The following MSI2 variants were observed in gnomAD, a reference collection of about 807,000 sequenced individuals.
MSI2 encodes RNA-binding protein Musashi homolog 2.
A neutral mutation model predicts 45.6 loss-of-function variants in MSI2; 17 were observed. That is an observed-to-expected ratio of 0.37 (90% CI 0.26 to 0.56). MSI2 has a LOEUF of 0.56. Among genes scored for constraint, MSI2 ranks in the 20% least tolerant of loss-of-function variants. The probability of loss-of-function intolerance (pLI) is 0.77; values close to 1 mark genes in which losing one functional copy is unlikely to be tolerated. For synonymous variants in MSI2, 156 were observed against 158.2 expected (o/e 0.99, Z 0.11); for missense variants, 293 against 444.2 (o/e 0.66, Z 3.06).
chr17:57,462,325 CTG>C (rs1189863497), intron 6 of MSI2, among the ~76,000 whole-genome samples: 1 of 152,236 alleles, frequency 6.6e-6, no homozygotes, highest in Non-Finnish European at 1.5e-5. Context: ...GTTCACCTTA[CTG>C]TGTGGGTCCC....
chr17:57,680,905 TG>T lies in MSI2; in HGVS notation c.*1393del. On this transcript the variant is annotated 3_prime_UTR_variant, in exon 14 of 14. Coordinates refer to ENST00000284073, the MANE Select transcript of MSI2 (RefSeq NM_138962.4). Reference sequence around the variant, plus strand: ...CTGCCCCCCACCCTGCTCCCACATCTGGGGGCCCATGGGCCAGGAGTGGATA... The same window carrying T: ...CTGCCCCCCACCCTGCTCCCACATCTGGGGCCCATGGGCCAGGAGTGGATA... 5.0e-6 allele frequency: 1 copy of T among 199,036 alleles called. No individual in the cohort carries two copies. Among genetic ancestry groups the T allele is most frequent in the Non-Finnish European group, 1.0e-5 (1 of 96,224 alleles). The allele number at this position is 199,036 out of a possible 1,614,324, so 12.3% of individuals were successfully genotyped here.
At chr17:57,426,744 T>C (rs562394989) in intron 6 of MSI2, among the ~76,000 whole-genome samples, 1 of 152,304 alleles carries the variant, frequency 6.6e-6, no homozygotes, top group African/African-American at 2.4e-5. Context: ...GCCTTTTTCC[T>C]CTCCTGTTGT....
At chr17:57,604,590 T>C (rs1464942582) in intron 8 of MSI2, among the ~76,000 whole-genome samples, 1 of 152,196 alleles carries the variant, frequency 6.6e-6, no homozygotes, top group Non-Finnish European at 1.5e-5. Context: ...ACTCTTCACC[T>C]GACTCATTCT....
intron 6 of MSI2, among the ~76,000 whole-genome samples, chr17:57,404,629 C>T (rs1379216863): frequency 6.6e-6 from 1 of 152,096 alleles, no homozygotes; most frequent in Non-Finnish European, 1.5e-5. Context: ...GGTCTCCTTG[C>T]CGTCATTCCT....
chr17:57,637,881 C>T (rs747913933), intron 10 of MSI2, among the ~76,000 whole-genome samples: 1 of 152,210 alleles, frequency 6.6e-6, no homozygotes, highest in African/African-American at 2.4e-5. Context: ...ACTGAGGCCC[C>T]GTGCCCACCA....
At position 57,599,282 on chromosome 17, in the gene MSI2, A is replaced by G. The variant is rs1202171592; in HGVS notation, c.537+2332A>G. On this transcript the variant is annotated intron_variant, in intron 8 of 13. Coordinates refer to ENST00000284073, the MANE Select transcript of MSI2 (RefSeq NM_138962.4). Reference sequence around the variant, plus strand: ...ATGGGGAAAGGCTTTATCCTGGGAAACTGAGGCTCAGGGGATAGGTCCCAG... The same window carrying G: ...ATGGGGAAAGGCTTTATCCTGGGAAGCTGAGGCTCAGGGGATAGGTCCCAG... Among the ~76,000 whole-genome samples, 12 of 152,200 alleles carry G rather than the reference A, an allele frequency of 7.9e-5. No homozygotes were observed. The South Asian group carries it at 2.3e-3, about 29-fold the overall frequency.
chr17:57,376,586 G>A (rs553037923), intron 5 of MSI2, among the ~76,000 whole-genome samples: 17 of 152,276 alleles, frequency 1.1e-4, no homozygotes, highest in Middle Eastern at 3.4e-3. Context: ...CTGGGTTTTC[G>A]GTTGTGATTT....
rs186126452 is a variant in MSI2 at position 57,560,487 on chromosome 17, C to G, written c.454+30763C>G. On this transcript the variant is annotated intron_variant, in intron 7 of 13. Transcript: ENST00000284073. ...CTCTGCTACTTCCTCCCACCACCCC[C>G]AGATCACCACGTTTTGGGAGAAGAG... Among the ~76,000 whole-genome samples the G allele has an allele frequency of 4.0e-3, 602 of 152,308 alleles. 12 individuals are homozygous for G. Among genetic ancestry groups the G allele is most frequent in the Middle Eastern group, 3.4e-3 (1 of 294 alleles).
chr17:57,650,367 G>C (rs550296528), intron 10 of MSI2, among the ~76,000 whole-genome samples: 7 of 152,194 alleles, frequency 4.6e-5, no homozygotes, highest in Middle Eastern at 3.2e-3. Flanking sequence ...TGGGTGTCCT[G>C]GGGGTTGGGA....
In MSI2 at chr17:57,679,762, G is replaced by GGTTTT; in HGVS notation, c.*261_*265dup. 1 of 330,542 alleles carries GGTTTT rather than the reference G, an allele frequency of 3.0e-6. No homozygotes were observed. The highest frequency in any genetic ancestry group is 4.8e-6 in the Non-Finnish European group (1 of 207,188). 20.5% of individuals were successfully genotyped at this position (330,542 alleles called of 1,614,324 possible). A position where few individuals can be genotyped will look rare whatever the true frequency, so the allele number is the denominator to read the frequency against. On this transcript the variant is annotated 3_prime_UTR_variant, in exon 14 of 14. Transcript: ENST00000284073. The stretch of plus-strand genomic sequence containing the variant: ...AAATGTGTATATAACCCATGATTTC[G>GGTTTT]GTTTTGTTTTGTTTTGTTTTTCTTG...
intron 7 of MSI2, among the ~76,000 whole-genome samples, chr17:57,536,730 G>T (rs953969859): frequency 1.3e-5 from 2 of 152,202 alleles, no homozygotes; most frequent in East Asian, 1.9e-4. Context: ...TGACAAGAAA[G>T]CGGACAGTCT....
At chr17:57,689,231 A>G (rs1311034768), downstream of MSI2, among the ~76,000 whole-genome samples, 1 of 152,084 alleles carries the variant, frequency 6.6e-6, no homozygotes, top group African/African-American at 2.4e-5. Context: ...TATTAATAGT[A>G]TGTTCTCTCT....
intron 6 of MSI2, among the ~76,000 whole-genome samples, chr17:57,525,890 G>A (rs1782741071): frequency 6.6e-6 from 1 of 152,224 alleles, no homozygotes; most frequent in Non-Finnish European, 1.5e-5. Context: ...ATAAGGATGA[G>A]GGTGGTGTCC....
chr17:57,541,571 A>G (rs2087047103), intron 7 of MSI2, among the ~76,000 whole-genome samples: 1 of 152,234 alleles, frequency 6.6e-6, no homozygotes, highest in Non-Finnish European at 1.5e-5. Context: ...TCAGGCAGGA[A>G]CATTTGCCAA....
Position 57,640,069 on chromosome 17 carries a change from C to T in MSI2, c.728-12030C>T, listed in dbSNP as rs953452798. 8.5e-5 allele frequency among the ~76,000 whole-genome samples: 13 copies of T among 152,290 alleles called. No homozygotes were observed. In the East Asian group the frequency reaches 2.3e-3, roughly 27 times the overall value. On this transcript the variant is annotated intron_variant, in intron 10 of 13. Transcript: ENST00000284073. The stretch of plus-strand genomic sequence containing the variant: ...AAGGACCCAGGAAGGCTCCTCTGGT[C>T]CAGCCCCTCCTAGAGGAGGTGGGGG...
chr17:57,685,867 C>T (rs1374569462), downstream of MSI2, among the ~76,000 whole-genome samples: 2 of 152,210 alleles, frequency 1.3e-5, no homozygotes, highest in Admixed American at 1.3e-4. Context: ...ACACATGAGG[C>T]CGGCCATCGT....
At chr17:57,480,105 A>G (rs1164040430) in intron 6 of MSI2, among the ~76,000 whole-genome samples, 4 of 151,994 alleles carry the variant, frequency 2.6e-5, no homozygotes, top group Non-Finnish European at 4.4e-5. Flanking sequence ...CTGAGTAGCT[A>G]GGATTGCAGG....
At chr17:57,366,506 T>G (rs1917205822) in intron 5 of MSI2, among the ~76,000 whole-genome samples, 1 of 152,176 alleles carries the variant, frequency 6.6e-6, no homozygotes. Context: ...AACTTTTTAT[T>G]TTTACACATA....
intron 9 of MSI2, chr17:57,626,577 G>C (rs1173130569): frequency 6.6e-6 from 1 of 152,392 alleles, no homozygotes; most frequent in Admixed American, 6.5e-5. Flanking sequence ...TACGCTTGTG[G>C]TGAAACGCCC....
Sources: gnomAD v4.1 joint callset for allele counts (sites outside exome capture counted in the v4.1 genomes callset) on GRCh38, gnomAD v4.1.1 for gene constraint, MANE v1.5 for transcripts, NCBI Gene and HGNC (gene_info 2026-07-23, HGNC 2026-07-21) for gene names.